Variants in RIMS2 observed in about 807,000 individuals in gnomAD.
RIMS2 encodes the protein regulating synaptic membrane exocytosis protein 2.
Under a neutral mutation model 174.4 loss-of-function variants are expected in RIMS2, and 59 were observed. The observed-to-expected ratio is 0.34, with a 90% CI of 0.27 to 0.42. RIMS2 has a LOEUF of 0.42. Among genes scored for constraint, RIMS2 ranks in the 10% least tolerant of loss-of-function variants. The pLI is 1.00. For synonymous variants in RIMS2, 606 were observed against 572.5 expected, an observed-to-expected ratio of 1.06 and a Z score of -0.84; for missense variants, 1,620 against 1,666.3, an observed-to-expected ratio of 0.97 and a Z score of 0.48.
chr8:103,627,572 A>T (rs1221760144), intron 1 of RIMS2, among the ~76,000 whole-genome samples: 1 of 152,264 alleles, frequency 6.6e-6, no homozygotes, highest in Non-Finnish European at 1.5e-5. Context: ...ATAAGAAATT[A>T]TAAAAGTATT....
At chr8:103,775,522 G>T (rs975400645) in intron 3 of RIMS2, among the ~76,000 whole-genome samples, 2 of 152,116 alleles carry the variant, frequency 1.3e-5, no homozygotes, top group African/African-American at 4.8e-5. Context: ...TGTCTTTGGT[G>T]CCACTTTCTG....
chr8:104,246,943 A>G (rs1046184054), intron 20 of RIMS2, among the ~76,000 whole-genome samples: 6 of 151,896 alleles, frequency 4.0e-5, no homozygotes, highest in Non-Finnish European at 8.8e-5. Flanking sequence ...GATGGTTTTG[A>G]GCAGAGGAGT....
intron 1 of RIMS2, among the ~76,000 whole-genome samples, chr8:103,603,391 C>G (rs1324623918): frequency 6.0e-5 from 9 of 149,728 alleles, no homozygotes; most frequent in African/African-American, 2.0e-4. Context: ...TTAATCCAGT[C>G]TATCATTGTT....
intron 17 of RIMS2, 62 bp downstream of exon 19, chr8:103,989,483 G>C: frequency 1.2e-6 from 1 of 848,302 alleles, no homozygotes; most frequent in East Asian, 2.5e-5. Context: ...TCAGGAAGGG[G>C]TTACCATAAA....
chr8:103,902,950 A>T (rs1369652552), intron 4 of RIMS2, among the ~76,000 whole-genome samples: 1 of 152,188 alleles, frequency 6.6e-6, no homozygotes, highest in Non-Finnish European at 1.5e-5. Flanking sequence ...CATGCAATAC[A>T]CATTGGGAAA....
At chr8:103,938,342 G>A (rs1026959129) in intron 13 of RIMS2, among the ~76,000 whole-genome samples, 17 of 152,244 alleles carry the variant, frequency 1.1e-4, no homozygotes, top group African/African-American at 3.6e-4. Context: ...TACATGGATG[G>A]TGGCAGGCAA....
At chr8:103,868,294 G>C (rs772808410) in intron 3 of RIMS2, among the ~76,000 whole-genome samples, 54 of 151,956 alleles carry the variant, frequency 3.6e-4, no homozygotes, top group Non-Finnish European at 1.2e-4. Context: ...AATCATCTTA[G>C]TTTTCCTTGA....
chr8:103,940,481 A>G (rs2082275720), intron 13 of RIMS2, among the ~76,000 whole-genome samples: 1 of 152,138 alleles, frequency 6.6e-6, no homozygotes, highest in Admixed American at 6.5e-5. Flanking sequence ...GGGTGGGAAC[A>G]CAACCAAACT....
chr8:103,573,491 G>A (rs2092989125), intron 1 of RIMS2, among the ~76,000 whole-genome samples: 1 of 152,012 alleles, frequency 6.6e-6, no homozygotes, highest in Non-Finnish European at 1.5e-5. Context: ...TTTCTCCATT[G>A]TTTATTTTTG....
intron 2 of RIMS2, among the ~76,000 whole-genome samples, chr8:103,755,267 T>A (rs1346773346): frequency 6.6e-6 from 1 of 152,210 alleles, no homozygotes; most frequent in African/African-American, 2.4e-5. Context: ...CCCACTCCGT[T>A]TTGGCTTGTA....
Position 104,107,178 on chromosome 8 carries a change from C to T in RIMS2, c.3334+92563C>T, listed in dbSNP as rs987196153. On this transcript the variant is annotated intron_variant, in intron 19 of 23. Transcript: ENST00000504942. The stretch of plus-strand genomic sequence containing the variant: ...CAGGATCTTGTCTTTGTTCCTTGCA[C>T]GTATGTTCACGTTGACTCTTCTACC... Among the ~76,000 whole-genome samples, 7 of 152,104 alleles carry T rather than the reference C, an allele frequency of 4.6e-5. No individual in the cohort carries two copies. In the East Asian group the frequency reaches 1.2e-3, roughly 25 times the overall value.
At chr8:104,243,385 T>C (rs2099312399) in intron 19 of RIMS2, among the ~76,000 whole-genome samples, 1 of 152,172 alleles carries the variant, frequency 6.6e-6, no homozygotes, top group Non-Finnish European at 1.5e-5. Flanking sequence ...CAAATATTTA[T>C]AGACCTAAAA....
chr8:104,089,560 C>T (rs1314462058), intron 19 of RIMS2, among the ~76,000 whole-genome samples: 6 of 151,696 alleles, frequency 4.0e-5, no homozygotes, highest in Non-Finnish European at 8.9e-5. Flanking sequence ...TTCTCACTGT[C>T]CAGATTTCTC....
At chr8:104,042,226 C>T (rs559335954) in intron 19 of RIMS2, among the ~76,000 whole-genome samples, 11 of 151,604 alleles carry the variant, frequency 7.3e-5, no homozygotes, top group South Asian at 2.1e-4. Context: ...GAATATTAAA[C>T]GCTAGAACAC....
chr8:103,777,975 G>A (rs1413106128), intron 3 of RIMS2, among the ~76,000 whole-genome samples: 2 of 151,860 alleles, frequency 1.3e-5, no homozygotes, highest in Non-Finnish European at 2.9e-5. Flanking sequence ...CTCAATCATA[G>A]CATATAATTT....
intron 3 of RIMS2, among the ~76,000 whole-genome samples, chr8:103,780,116 T>C (rs934944240): frequency 6.6e-6 from 1 of 152,150 alleles, no homozygotes; most frequent in Admixed American, 6.6e-5. Flanking sequence ...AATTATCAGA[T>C]GAATTGGAGT....
At chr8:103,511,932 T>C (rs1375755131) in intron 1 of RIMS2, among the ~76,000 whole-genome samples, 3 of 152,140 alleles carry the variant, frequency 2.0e-5, no homozygotes, top group African/African-American at 7.2e-5. Flanking sequence ...TTGGAGGATG[T>C]GATTGTGGCT....
chr8:103,822,673 G>C (rs1369652984), intron 3 of RIMS2, among the ~76,000 whole-genome samples: 1 of 151,780 alleles, frequency 6.6e-6, no homozygotes, highest in East Asian at 1.9e-4. Context: ...CAGCTAAAAT[G>C]AAACAACTGG....
chr8:103,923,660 A>G (rs1427463654), intron 10 of RIMS2, among the ~76,000 whole-genome samples: 1 of 151,802 alleles, frequency 6.6e-6, no homozygotes, highest in Non-Finnish European at 1.5e-5. Flanking sequence ...ATGACTTGGA[A>G]GGAATATGTT....
Sources: allele counts gnomAD v4.1 joint callset (sites outside exome capture counted in the v4.1 genomes callset), GRCh38; gene constraint gnomAD v4.1.1; transcripts MANE v1.5; gene names NCBI Gene and HGNC (gene_info 2026-07-23, HGNC 2026-07-21).